RASAL2: variants seen among roughly 807,000 people sequenced by gnomAD.
RASAL2 encodes RAS protein activator like 2.
RASAL2 carries 58 observed loss-of-function variants against 128.9 expected under a neutral mutation model. That is an observed-to-expected ratio of 0.45 (90% CI 0.36 to 0.56). The LOEUF (loss-of-function observed/expected upper bound fraction) is 0.56. RASAL2 is among the 20% of genes least tolerant of loss of function. RASAL2 has a pLI of 0.00. For missense variants in RASAL2, 1,360 were observed against 1,601.6 expected (o/e 0.85, Z 2.57); for synonymous variants, 561 against 580.8 (o/e 0.97, Z 0.49).
chr1:178,172,698 A>T (rs925545607), intron 1 of RASAL2, among the ~76,000 whole-genome samples: 1 of 152,126 alleles, frequency 6.6e-6, no homozygotes, highest in African/African-American at 2.4e-5. Flanking sequence ...GTAAACACTT[A>T]AGCATATACA....
At chr1:178,299,938 C>T (rs187882491) in intron 2 of RASAL2, 54 bp from the exon 3 acceptor site, 48 of 1,572,272 alleles carry the variant, frequency 3.1e-5, no homozygotes, top group Non-Finnish European at 3.9e-5. Context: ...TCAATCAGAA[C>T]GTAGTTATGG....
chr1:178,440,803 C>T (rs940440042), intron 6 of RASAL2, among the ~76,000 whole-genome samples: 1 of 151,982 alleles, frequency 6.6e-6, no homozygotes, highest in African/African-American at 2.4e-5. Flanking sequence ...AGGCTGGTTG[C>T]GTAGTGGAGG....
chr1:178,146,370 A>G (rs1487212552), intron 1 of RASAL2, among the ~76,000 whole-genome samples: 2 of 152,208 alleles, frequency 1.3e-5, no homozygotes, highest in Non-Finnish European at 2.9e-5. Flanking sequence ...TGCAGGCTTT[A>G]TTTAGCCTGT....
chr1:178,394,855 C>T (rs554963059), intron 4 of RASAL2, among the ~76,000 whole-genome samples: 31 of 152,174 alleles, frequency 2.0e-4, no homozygotes, highest in Admixed American at 7.2e-4. Context: ...AGAAAGAAAA[C>T]ATTGTCAAAA....
Position 178,256,470 on chromosome 1 carries a change from C to T in RASAL2, c.203-27094C>T, listed in dbSNP as rs551178089. 2.0e-5 allele frequency among the ~76,000 whole-genome samples: 3 copies of T among 152,318 alleles called. No individual in the cohort carries two copies. In the East Asian group the frequency reaches 5.8e-4, roughly 29 times the overall value. ...GTTTGCTCTCACTACTTCTATTCAA[C>T]ATCTTCTTGGAAATTCTAACCAGGG... On this transcript the variant is annotated intron_variant, in intron 1 of 17. Transcript: ENST00000367649.
chr1:178,309,701 G>A (rs541823757), intron 3 of RASAL2, among the ~76,000 whole-genome samples: 1 of 152,182 alleles, frequency 6.6e-6, no homozygotes, highest in Admixed American at 6.5e-5. Context: ...GAGACAAAGT[G>A]GTTAGGGGCA....
chr1:178,441,350 T>C (rs1557991657), intron 6 of RASAL2, among the ~76,000 whole-genome samples, 199 bp from the exon 7 acceptor site: 1 of 152,170 alleles, frequency 6.6e-6, no homozygotes, highest in African/African-American at 2.4e-5. Flanking sequence ...AGGATGTCGC[T>C]CATTAGGTTA....
chr1:178,255,378 ATTG>A (rs1456041517), intron 1 of RASAL2, among the ~76,000 whole-genome samples: 2 of 152,132 alleles, frequency 1.3e-5, no homozygotes, highest in African/African-American at 4.8e-5. Flanking sequence ...GTATATTATT[ATTG>A]TTGGGCTCAT....
At chr1:178,377,724 A>G (rs1302343577) in intron 3 of RASAL2, among the ~76,000 whole-genome samples, 2 of 152,140 alleles carry the variant, frequency 1.3e-5, no homozygotes, top group African/African-American at 4.8e-5. Context: ...CTGAGAATTC[A>G]TAATCACAGT....
Position 178,476,481 on chromosome 1 carries a change from A to G in RASAL2, c.*3242A>G, listed in dbSNP as rs1028549402. The G allele has an allele frequency of 2.0e-5, 3 of 152,218 alleles. No individual in the cohort carries two copies. Among genetic ancestry groups the G allele is most frequent in the Admixed American group, 1.3e-4 (2 of 15,288 alleles). The allele number at this position is 152,218 out of a possible 1,614,324, so 9.4% of individuals were successfully genotyped here. On this transcript the variant is annotated 3_prime_UTR_variant, in exon 18 of 18. Coordinates refer to ENST00000367649, the MANE Select transcript of RASAL2 (RefSeq NM_170692.4). ...ATGTTCCAAGCACTATCACCAAGGT[A>G]CTGTTGGGGTTTATGGCAGTCTAAC... is the stretch of plus-strand genomic sequence containing the variant.
intron 3 of RASAL2, among the ~76,000 whole-genome samples, chr1:178,342,452 T>A (rs1373422405): frequency 6.6e-6 from 1 of 152,214 alleles, no homozygotes; most frequent in Non-Finnish European, 1.5e-5. Context: ...ATAGACCAAG[T>A]ACATCATAAA....
intron 8 of RASAL2, 62 bp downstream of exon 8, chr1:178,443,291 T>TATGGATATTGCAGAA: frequency 7.1e-7 from 1 of 1,401,328 alleles, no homozygotes; most frequent in Non-Finnish European, 9.7e-7. Flanking sequence ...TAAACCAAGA[T>TATGGATATTGCAGAA]ATGGATATTG....
At position 178,133,011 on chromosome 1, in the gene RASAL2, C is replaced by T. The variant is rs1345652901; in HGVS notation, c.202+38317C>T. On this transcript the variant is annotated intron_variant, in intron 1 of 17. Transcript: ENST00000367649. ...AACTTCTGACCTCAGGTGATCCACC[C>T]GCCTCGGCCTCCCAAAGTGCTGGGA... is the stretch of plus-strand genomic sequence containing the variant. 4.6e-5 allele frequency among the ~76,000 whole-genome samples: 7 copies of T among 152,038 alleles called. No homozygotes were observed. The East Asian group carries it at 7.7e-4, about 17-fold the overall frequency.
At chr1:178,411,961 A>C (rs894847285) in intron 4 of RASAL2, 2 of 591,454 alleles carry the variant, frequency 3.4e-6, no homozygotes, top group Non-Finnish European at 6.1e-6. Flanking sequence ...ATCACCCCCC[A>C]TCCCCTCTTG....
intron 1 of RASAL2, among the ~76,000 whole-genome samples, chr1:178,156,479 T>C (rs1661087714): frequency 6.6e-6 from 1 of 152,214 alleles, no homozygotes; most frequent in South Asian, 2.1e-4. Flanking sequence ...CTGGTTGTTA[T>C]AATAGTAAGT....
intron 1 of RASAL2, among the ~76,000 whole-genome samples, chr1:178,257,590 C>T (rs1665431910): frequency 6.6e-6 from 1 of 152,166 alleles, no homozygotes; most frequent in Non-Finnish European, 1.5e-5. Flanking sequence ...GTAATCCCTG[C>T]ACTTTGGAAA....
In RASAL2 at chr1:178,445,523, TCTGA is replaced by T; in HGVS notation, c.1495_1498del (p.Asp499TrpfsTer2). On this transcript the variant is annotated frameshift_variant, in exon 9 of 18. Transcript: ENST00000367649. LOFTEE classifies it high-confidence loss of function. ...ATTGAACATTATTCTACCAGGATTT[TCTGA>T]CTGACTTGGTGATGTCTGAGGTGGA... 1 of 1,613,236 alleles carries T rather than the reference TCTGA, an allele frequency of 6.2e-7. No individual in the cohort carries two copies. Among genetic ancestry groups the T allele is most frequent in the Non-Finnish European group, 8.5e-7 (1 of 1,179,522 alleles).
intron 2 of RASAL2, among the ~76,000 whole-genome samples, chr1:178,296,616 A>T (rs1667518081): frequency 1.4e-5 from 2 of 144,780 alleles, no homozygotes. Context: ...TCCCACCTTG[A>T]CCTCCCAAAG....
chr1:178,280,182 C>T (rs907553810), intron 1 of RASAL2, among the ~76,000 whole-genome samples: 10 of 152,004 alleles, frequency 6.6e-5, no homozygotes, highest in Non-Finnish European at 1.3e-4. Flanking sequence ...ATTATTAAAC[C>T]ACTCTTTCCT....
Sources: allele counts gnomAD v4.1 joint callset (sites outside exome capture counted in the v4.1 genomes callset), GRCh38; gene constraint gnomAD v4.1.1; transcripts MANE v1.5; gene names NCBI Gene and HGNC (gene_info 2026-07-23, HGNC 2026-07-21).